The following RETREG1 variants were observed in gnomAD, a reference collection of about 807,000 sequenced individuals.
The protein encoded by RETREG1 is family with sequence similarity 134 member B.
A neutral mutation model predicts 54.8 loss-of-function variants in RETREG1; 44 were observed. The ratio of observed to expected loss-of-function variants is 0.80; its 90% CI spans 0.63 to 1.03. The LOEUF is 1.03. RETREG1 is among the 50% of genes least tolerant of loss of function. The pLI is 0.00. For synonymous variants in RETREG1, 217 were observed against 238.5 expected, an observed-to-expected ratio of 0.91 and a Z score of 0.83; for missense variants, 554 against 605.1, an observed-to-expected ratio of 0.92 and a Z score of 0.89.
At chr5:16,531,525 C>T (rs1740915041) in intron 3 of RETREG1, among the ~76,000 whole-genome samples, 1 of 152,104 alleles carries the variant, frequency 6.6e-6, no homozygotes, top group Admixed American at 6.6e-5. Context: ...CAATGTGATG[C>T]AGGCTATTAT....
In RETREG1 at chr5:16,530,039, G is replaced by A. The variant is rs147075208; in HGVS notation, c.458+35724C>T. Among the ~76,000 whole-genome samples, 1,266 of 152,196 alleles carry A rather than the reference G, an allele frequency of 8.3e-3. 19 individuals are homozygous for A. The highest frequency in any genetic ancestry group is 0.027 in the African/African-American group (1,138 of 41,514). ...GACCACATCACAGCTCCATTTCCCC[G>A]CTCTTCACTCTTATGCCTGCTCCTC... On this transcript the variant is annotated intron_variant, in intron 3 of 8. Transcript: ENST00000306320.
intron 1 of RETREG1, among the ~76,000 whole-genome samples, chr5:16,605,097 A>G (rs760366032): frequency 1.3e-5 from 2 of 152,208 alleles, no homozygotes; most frequent in Non-Finnish European, 2.9e-5. Flanking sequence ...GAAATGGCCA[A>G]ACATAAATAA....
chr5:16,565,897 G>C, intron 2 of RETREG1, 104 bp from the exon 3 acceptor site: 1 of 1,216,052 alleles, frequency 8.2e-7, no homozygotes, highest in Non-Finnish European at 1.2e-6. Context: ...GGAATGCTCA[G>C]ATCTCTAACA....
chr5:16,570,173 A>G (rs574634986), intron 2 of RETREG1, among the ~76,000 whole-genome samples: 4 of 152,368 alleles, frequency 2.6e-5, no homozygotes, highest in African/African-American at 9.6e-5. Flanking sequence ...ACAGGTAGGA[A>G]ATGGAATGAA....
chr5:16,594,391 T>A lies in RETREG1; in HGVS notation c.320+22261A>T, dbSNP rs1742846592. The stretch of plus-strand genomic sequence containing the variant: ...TGTCATTGTTAAATATCTTTAAATA[T>A]GTAGACAACTTTTATAAGAAAAAAA... On this transcript the variant is annotated intron_variant, in intron 1 of 8. Transcript: ENST00000306320. This position sits in a 1 kb window ranked among gnomAD's most constrained non-coding sequence, Gnocchi z 4.4. Among the ~76,000 whole-genome samples, 1 of 152,198 alleles carries A rather than the reference T, an allele frequency of 6.6e-6. No individual in the cohort carries two copies. Among genetic ancestry groups the A allele is most frequent in the Non-Finnish European group, 1.5e-5 (1 of 68,038 alleles).
intron 1 of RETREG1, among the ~76,000 whole-genome samples, chr5:16,584,632 A>G (rs2560825): frequency 0.14 from 22,042 of 152,194 alleles, 1,596 homozygotes; most frequent in African/African-American, 0.16. Context: ...GCCATCTATC[A>G]TAATATCACA....
rs1037419044 is a variant in RETREG1 at position 16,585,724 on chromosome 5, G to T, written c.321-13622C>A. ...CTGCAGGCTGTACAGGAAGCATGGG[G>T]TCAGCATCTGCTCGGCTTCTCATGA... On this transcript the variant is annotated intron_variant, in intron 1 of 8. Coordinates refer to ENST00000306320, the MANE Select transcript of RETREG1 (RefSeq NM_001034850.3). The surrounding 1 kb of genome is among the most constrained non-coding windows in gnomAD (Gnocchi z 4.5). Among the ~76,000 whole-genome samples, 1 of 152,180 alleles carries T rather than the reference G, an allele frequency of 6.6e-6. No homozygotes were observed. The highest frequency in any genetic ancestry group is 1.5e-5 in the Non-Finnish European group (1 of 68,034).
intron 1 of RETREG1, among the ~76,000 whole-genome samples, chr5:16,599,216 GA>G (rs1561134965): frequency 6.6e-6 from 1 of 152,022 alleles, no homozygotes; most frequent in Non-Finnish European, 1.5e-5. Context: ...CAATAAAAAG[GA>G]AAAAATAAGT....
intron 3 of RETREG1, among the ~76,000 whole-genome samples, chr5:16,528,579 A>G: frequency 6.6e-6 from 1 of 152,150 alleles, no homozygotes; most frequent in East Asian, 1.9e-4. Context: ...AGGTGATAGC[A>G]GGGGGTTCTG....
chr5:16,564,601 G>A (rs548131075), intron 3 of RETREG1, among the ~76,000 whole-genome samples: 48 of 152,270 alleles, frequency 3.2e-4, no homozygotes, highest in Non-Finnish European at 6.0e-4. Flanking sequence ...AGAGCACAGG[G>A]CAAGACAAAT....
At chr5:16,513,199 G>A (rs1740236234) in intron 3 of RETREG1, among the ~76,000 whole-genome samples, 1 of 152,210 alleles carries the variant, frequency 6.6e-6, no homozygotes, top group Admixed American at 6.5e-5. Flanking sequence ...CCAGAAGACA[G>A]GGAATCATGG....
chr5:16,547,219 G>A (rs975492460), intron 3 of RETREG1, among the ~76,000 whole-genome samples: 2 of 152,290 alleles, frequency 1.3e-5, no homozygotes, highest in Non-Finnish European at 2.9e-5. Flanking sequence ...GACCGACAGG[G>A]TGACTGTGGA....
intron 3 of RETREG1, among the ~76,000 whole-genome samples, chr5:16,516,939 A>G (rs967065433): frequency 6.9e-5 from 5 of 72,572 alleles, no homozygotes; most frequent in Admixed American, 1.3e-4. Flanking sequence ...CCATCTCAAG[A>G]AAAAAGTAAA....
At chr5:16,520,384 C>T (rs969502004) in intron 3 of RETREG1, among the ~76,000 whole-genome samples, 2 of 152,132 alleles carry the variant, frequency 1.3e-5, no homozygotes, top group East Asian at 1.9e-4. Context: ...GGCTGGAGTG[C>T]ATTGGCATGA....
At chr5:16,580,970 A>T (rs1225545996) in intron 1 of RETREG1, among the ~76,000 whole-genome samples, 2 of 152,160 alleles carry the variant, frequency 1.3e-5, no homozygotes, top group East Asian at 3.9e-4. Context: ...CACCCGCTGA[A>T]TGCACCACAT....
intron 1 of RETREG1, among the ~76,000 whole-genome samples, chr5:16,613,761 T>C (rs1200858862): frequency 6.6e-6 from 1 of 152,232 alleles, no homozygotes; most frequent in African/African-American, 2.4e-5. Context: ...GATCTTTTTT[T>C]CTCATAGAAA....
intron 3 of RETREG1, among the ~76,000 whole-genome samples, chr5:16,525,557 C>T (rs528916130): frequency 5.9e-5 from 9 of 152,260 alleles, no homozygotes; most frequent in African/African-American, 9.6e-5. Flanking sequence ...CAGGCTTAAT[C>T]GGATGAGATG....
chr5:16,552,173 A>G (rs956780994), intron 3 of RETREG1, among the ~76,000 whole-genome samples: 1 of 152,200 alleles, frequency 6.6e-6, no homozygotes, highest in African/African-American at 2.4e-5. Context: ...GGTGTGGAAG[A>G]CGTTCTTTAG....
At chr5:16,587,798 G>C (rs1013968954) in intron 1 of RETREG1, among the ~76,000 whole-genome samples, 1 of 152,146 alleles carries the variant, frequency 6.6e-6, no homozygotes, top group Non-Finnish European at 1.5e-5. Context: ...CTTACCTTGG[G>C]TGTGCTCAAT....
Sources: gnomAD v4.1 joint callset for allele counts (sites outside exome capture counted in the v4.1 genomes callset) on GRCh38, gnomAD v4.1.1 for gene constraint, Gnocchi (gnomAD v3.1) non-coding constraint, MANE v1.5 for transcripts, NCBI Gene and HGNC (gene_info 2026-07-23, HGNC 2026-07-21) for gene names.